The following MALRD1 variants were observed in gnomAD, a reference collection of about 807,000 sequenced individuals.
MALRD1 encodes MAM and LDL-receptor class A domain-containing protein 1.
MALRD1 carries 247 observed loss-of-function variants against 242.1 expected under a neutral mutation model. The ratio of observed to expected loss-of-function variants is 1.02; its 90% CI spans 0.92 to 1.13. The LOEUF (loss-of-function observed/expected upper bound fraction) is 1.13, where lower values mean the gene tolerates loss of function less well. MALRD1 is among the 50% of genes most tolerant of loss of function. The pLI is 0.00. For missense variants in MALRD1, 2,989 were observed against 2,533.1 expected (o/e 1.18, Z -3.86); for synonymous variants, 995 against 866.6 (o/e 1.15, Z -2.60).
intron 28 of MALRD1, among the ~76,000 whole-genome samples, chr10:19,407,369 C>A (rs1334491038): frequency 6.6e-6 from 1 of 152,116 alleles, no homozygotes; most frequent in East Asian, 1.9e-4. Context: ...GTAGTCCCAA[C>A]AACTCAGGAC....
intron 26 of MALRD1, among the ~76,000 whole-genome samples, chr10:19,365,688 A>AAAAC (rs146161301): frequency 7.0e-6 from 1 of 142,310 alleles, no homozygotes; most frequent in African/African-American, 2.6e-5. Context: ...AAAAAAAAAA[A>AAAAC]CAAGCTACTA....
intron 29 of MALRD1, among the ~76,000 whole-genome samples, chr10:19,477,726 A>G (rs1378228676): frequency 1.3e-5 from 2 of 152,206 alleles, no homozygotes; most frequent in East Asian, 3.9e-4. Context: ...GATTTCATAG[A>G]TAAGCTTGAG....
At chr10:19,072,545 C>T (rs1355980542) in intron 2 of MALRD1, among the ~76,000 whole-genome samples, 2 of 151,820 alleles carry the variant, frequency 1.3e-5, no homozygotes, top group African/African-American at 4.8e-5. Context: ...AGTTTGCTGC[C>T]CCCGTGTCTG....
intron 19 of MALRD1, among the ~76,000 whole-genome samples, chr10:19,277,229 AAAT>A (rs1243092948): frequency 1.3e-5 from 2 of 152,096 alleles, no homozygotes; most frequent in Non-Finnish European, 2.9e-5. Flanking sequence ...CCTGGTGAGA[AAAT>A]ATTTCTTATC....
chr10:19,723,772 T>C (rs1036556129), intron 38 of MALRD1, among the ~76,000 whole-genome samples: 10 of 151,600 alleles, frequency 6.6e-5, no homozygotes, highest in Admixed American at 2.6e-4. Flanking sequence ...ATTTGAACTT[T>C]TGAGCTAAGT....
At chr10:19,057,893 A>G (rs1834714463) in intron 1 of MALRD1, among the ~76,000 whole-genome samples, 1 of 152,236 alleles carries the variant, frequency 6.6e-6, no homozygotes, top group South Asian at 2.1e-4. Context: ...CAACATTATG[A>G]AAGTTTATAA....
intron 26 of MALRD1, among the ~76,000 whole-genome samples, chr10:19,368,700 A>G (rs1452890475): frequency 6.6e-6 from 1 of 151,834 alleles, no homozygotes; most frequent in Non-Finnish European, 1.5e-5. Flanking sequence ...TAGATTTCTT[A>G]TGTAGTATGC....
chr10:19,125,338 T>C (rs866866775), intron 7 of MALRD1, among the ~76,000 whole-genome samples: 37 of 83,828 alleles, frequency 4.4e-4, no homozygotes, highest in African/African-American at 8.4e-4. Flanking sequence ...TCTTTCTTTC[T>C]TTCTTTCTTT....
intron 28 of MALRD1, among the ~76,000 whole-genome samples, chr10:19,396,382 T>C (rs1196116442): frequency 1.3e-5 from 2 of 152,088 alleles, no homozygotes; most frequent in African/African-American, 4.8e-5. Context: ...GTGATTCTCC[T>C]GTCTCGGCCT....
intron 36 of MALRD1, among the ~76,000 whole-genome samples, chr10:19,644,221 A>G (rs1445262367): frequency 6.6e-6 from 1 of 152,212 alleles, no homozygotes; most frequent in African/African-American, 2.4e-5. Flanking sequence ...CTTGATGTTA[A>G]GAAGGGAGAA....
intron 1 of MALRD1, among the ~76,000 whole-genome samples, chr10:19,054,181 C>G (rs1834596557): frequency 1.3e-5 from 2 of 152,032 alleles, no homozygotes; most frequent in African/African-American, 4.8e-5. Context: ...TGTTACATTG[C>G]TTCTGTGCTG....
intron 2 of MALRD1, among the ~76,000 whole-genome samples, chr10:19,079,403 C>G (rs1260857517): frequency 6.6e-6 from 1 of 151,766 alleles, no homozygotes; most frequent in African/African-American, 2.4e-5. Flanking sequence ...AAAATATTAT[C>G]TCTCTTGGAG....
At chr10:19,603,226 T>G (rs1247342394) in intron 34 of MALRD1, among the ~76,000 whole-genome samples, 1 of 152,234 alleles carries the variant, frequency 6.6e-6, no homozygotes, top group African/African-American at 2.4e-5. Flanking sequence ...TTTTGGCTTT[T>G]GTTGTCATTG....
chr10:19,615,931 G>T lies in MALRD1; in HGVS notation c.6137+8G>T. 6.7e-7 allele frequency: 1 copy of T among 1,501,768 alleles called. No individual in the cohort carries two copies. Among genetic ancestry groups the T allele is most frequent in the Non-Finnish European group, 8.8e-7 (1 of 1,131,648 alleles). 93.0% of individuals were successfully genotyped at this position (1,501,768 alleles called of 1,614,324 possible). A position where few individuals can be genotyped will look rare whatever the true frequency, so the allele number is the denominator to read the frequency against. The stretch of plus-strand genomic sequence containing the variant: ...AAATGGTCCTATGTGTCGGTAAGAA[G>T]CATTGTTTAATTTTTTTTTTTAAGA... On this transcript the variant is annotated splice_region_variant and intron_variant, in intron 36 of 39. Coordinates refer to ENST00000454679, the MANE Select transcript of MALRD1 (RefSeq NM_001142308.3).
chr10:19,535,790 A>C (rs1211761714), intron 32 of MALRD1, among the ~76,000 whole-genome samples: 1 of 152,178 alleles, frequency 6.6e-6, no homozygotes, highest in Non-Finnish European at 1.5e-5. Flanking sequence ...GTTGAGAGAC[A>C]CTGCCCCAGA....
At position 19,348,994 on chromosome 10, in the gene MALRD1, C is replaced by G. The variant is rs571129033; in HGVS notation, c.4149+976C>G. 4.6e-5 allele frequency among the ~76,000 whole-genome samples: 7 copies of G among 152,290 alleles called. No homozygotes were observed. The South Asian group carries it at 1.5e-3, about 32-fold the overall frequency. ...CTTCCCCTTCCCTTCAACAGTCTCA[C>G]TCTGTCGCCCAGGCTGGAGTGCAGT... is the stretch of plus-strand genomic sequence containing the variant. On this transcript the variant is annotated intron_variant, in intron 25 of 39. Coordinates refer to ENST00000454679, the MANE Select transcript of MALRD1 (RefSeq NM_001142308.3).
chr10:19,635,362 C>T lies in MALRD1; in HGVS notation c.6137+19439C>T, dbSNP rs114580537. Among the ~76,000 whole-genome samples, 1,418 of 152,084 alleles carry T rather than the reference C, an allele frequency of 9.3e-3. 20 individuals carry two copies. Among genetic ancestry groups the T allele is most frequent in the African/African-American group, 0.032 (1,332 of 41,506 alleles). ...GTGTTTATGTAAGTGTGTTTATGAT[C>T]CTCAAAAACTTGAAGAAATATAGTT... On this transcript the variant is annotated intron_variant, in intron 36 of 39. Coordinates refer to ENST00000454679, the MANE Select transcript of MALRD1 (RefSeq NM_001142308.3).
At chr10:19,216,146 C>CTT (rs1328959400) in intron 18 of MALRD1, among the ~76,000 whole-genome samples, 2 of 129,054 alleles carry the variant, frequency 1.5e-5, no homozygotes, top group Non-Finnish European at 1.6e-5. Context: ...GAGACAGCGT[C>CTT]TTTCTCTGTC....
chr10:19,692,602 A>G, intron 38 of MALRD1, 48 bp downstream of exon 38: 10 of 1,419,430 alleles, frequency 7.0e-6, no homozygotes, highest in Non-Finnish European at 9.5e-6. Flanking sequence ...TAGCAGAAAA[A>G]TTTTCTTCAA....
Sources: allele counts gnomAD v4.1 joint callset (sites outside exome capture counted in the v4.1 genomes callset), GRCh38; gene constraint gnomAD v4.1.1; transcripts MANE v1.5; gene names NCBI Gene and HGNC (gene_info 2026-07-23, HGNC 2026-07-21).